Variants in AP4B1 observed in about 807,000 individuals in gnomAD.
The protein encoded by AP4B1 is AP-4 complex subunit beta-1.
AP4B1 carries 49 observed loss-of-function variants against 76.5 expected under a neutral mutation model. The observed-to-expected ratio is 0.64, with a 90% CI of 0.51 to 0.81. AP4B1 has a LOEUF of 0.81. AP4B1 is among the 40% of genes least tolerant of loss of function. AP4B1 has a pLI of 0.00. For synonymous variants in AP4B1, 330 were observed against 333.3 expected, an observed-to-expected ratio of 0.99 and a Z score of 0.11; for missense variants, 911 against 904.9, an observed-to-expected ratio of 1.01 and a Z score of -0.09.
upstream of AP4B1, chr1:113,904,810 T>C (rs1381012932): frequency 3.7e-6 from 4 of 1,091,748 alleles, no homozygotes; most frequent in African/African-American, 4.6e-5. Context: ...AAAGGAAATA[T>C]GAGTCAGTGA....
At chr1:113,900,958 T>C in intron 4 of AP4B1, 1 of 399,984 alleles carries the variant, frequency 2.5e-6, no homozygotes, top group Non-Finnish European at 4.7e-6. Flanking sequence ...AAATACAAAA[T>C]TAGCCGGGCA....
intron 2 of AP4B1, chr1:113,902,212 TG>T: frequency 2.5e-6 from 1 of 404,924 alleles, no homozygotes; most frequent in Non-Finnish European, 4.7e-6. Flanking sequence ...TTTAATTTTT[TG>T]TAGATATAGG....
At position 113,896,437 on chromosome 1, in the gene AP4B1, C is replaced by T. The variant is rs1345004647; in HGVS notation, c.1331G>A (p.Gly444Asp). 1 of 1,614,158 alleles carries T rather than the reference C, an allele frequency of 6.2e-7. No homozygotes were observed. The highest frequency in any genetic ancestry group is 1.7e-5 in the Admixed American group (1 of 60,022). ...ATTAGGAATTCTTTCCCCATGGACA[C>T]CAAGTAGCCAAATAAGTGCTTGCTT... ...EGKQALIWLL[G>D]VHGERIPNAP... The change falls in exon 8 of 10, where the codon GGT (glycine) becomes GAT (aspartate). Residue 444 changes from glycine to aspartate, a missense_variant. Transcript: ENST00000369569.
At chr1:113,896,502 TTGAC>T (rs1222339093) in intron 7 of AP4B1, 37 bp from the exon 8 acceptor site, 1 of 1,602,344 alleles carries the variant, frequency 6.2e-7, no homozygotes, top group Non-Finnish European at 8.6e-7. Context: ...TGCTCAACAC[TTGAC>T]TGTCTAAAAC....
At chr1:113,898,169 T>G in intron 6 of AP4B1, 1 of 353,102 alleles carries the variant, frequency 2.8e-6, no homozygotes, top group Non-Finnish European at 4.0e-6. Flanking sequence ...AACTAATGTA[T>G]GAAAAAGCAC....
chr1:113,899,792 T>C, intron 5 of AP4B1, 112 bp downstream of exon 5: 2 of 1,551,204 alleles, frequency 1.3e-6, no homozygotes, highest in Non-Finnish European at 1.8e-6. Context: ...TAGTGCATAG[T>C]ACTTTGCTTC....
intron 5 of AP4B1, chr1:113,899,685 T>A: frequency 1.5e-6 from 1 of 680,336 alleles, no homozygotes; most frequent in Admixed American, 2.9e-5. Context: ...GTATTCTCCA[T>A]CCTGGAAGAT....
chr1:113,895,467 C>A lies in AP4B1; in HGVS notation c.1818G>T (p.Lys606Asn). 6.2e-7 allele frequency: 1 copy of A among 1,614,198 alleles called. No homozygotes were observed. Among genetic ancestry groups the A allele is most frequent in the Non-Finnish European group, 8.5e-7 (1 of 1,180,040 alleles). The change falls in exon 10 of 10, where the codon AAG (lysine) becomes AAT (asparagine). Residue 606 changes from lysine to asparagine, a missense_variant. Physicochemically the swap from Lys to Asn is moderately conservative, Grantham distance 94 (BLOSUM62 0). Coordinates refer to ENST00000369569, the MANE Select transcript of AP4B1 (RefSeq NM_001253852.3). ...ASGPLIPEEN[K>N]ERVQELPDSG... ...AATCAGGGAGTTCTTGTACCCTCTCCTTGTTCTCTTCAGGAATCAAGGGTC... is the reference window on the plus strand; with the variant it reads ...AATCAGGGAGTTCTTGTACCCTCTCATTGTTCTCTTCAGGAATCAAGGGTC...
chr1:113,900,189 C>G lies in AP4B1; in HGVS notation c.829G>C (p.Val277Leu). 3 of 1,614,176 alleles carry G rather than the reference C, an allele frequency of 1.9e-6. No individual in the cohort carries two copies. The highest frequency in any genetic ancestry group is 2.5e-6 in the Non-Finnish European group (3 of 1,180,014). ...PHVQTDVLVR[V>L]KGPLLAACSS... is the part of the protein sequence containing the mutation. ...CAGGCAGCTAGCAAAGGTCCCTTGA[C>G]CCGCACAAGGACATCAGTTTGTACG... The change falls in exon 5 of 10, where the codon GTC (valine) becomes CTC (leucine). Residue 277 changes from valine (V) to leucine (L), a missense_variant. Val to Leu is a conservative substitution (Grantham distance 32). Transcript: ENST00000369569.
intron 4 of AP4B1, 135 bp downstream of exon 4, chr1:113,901,101 C>T: frequency 7.8e-7 from 1 of 1,278,348 alleles, no homozygotes; most frequent in East Asian, 2.5e-5. Context: ...GAGCAAAACT[C>T]CGTCTCAAAT....
In AP4B1 at chr1:113,902,618, A is replaced by G. The variant is rs769552728; in HGVS notation, c.338+20T>C. On this transcript the variant is annotated intron_variant, in intron 2 of 9. Coordinates refer to ENST00000369569, the MANE Select transcript of AP4B1 (RefSeq NM_001253852.3). ...GAATTCATCAGCCATTTAGGACCAG[A>G]CAGAGAAGAGGGTACTCACCTGAGG... is the stretch of plus-strand genomic sequence containing the variant. The G allele has an allele frequency of 1.2e-6, 2 of 1,608,346 alleles. No individual in the cohort carries two copies. The highest frequency in any genetic ancestry group is 1.7e-6 in the Non-Finnish European group (2 of 1,177,556).
At chr1:113,904,944 T>C (rs976698692), upstream of AP4B1, 1 of 510,664 alleles carries the variant, frequency 2.0e-6, no homozygotes, top group Non-Finnish European at 3.6e-6. Flanking sequence ...GGCCCTACCG[T>C]CGGCCGGCAG....
At chr1:113,896,780 CTCTAAATTTT>C (rs1384911636) in intron 7 of AP4B1, 4 of 407,486 alleles carry the variant, frequency 9.8e-6, no homozygotes, top group Non-Finnish European at 1.8e-5. Context: ...CAAAGAATTT[CTCTAAATTTT>C]TCACAAAAAT....
In AP4B1 at chr1:113,895,197, TTC is replaced by T; in HGVS notation, c.2086_2087del (p.Glu696ThrfsTer18). 1.2e-6 allele frequency: 2 copies of T among 1,614,214 alleles called. No homozygotes were observed. Among genetic ancestry groups the T allele is most frequent in the Non-Finnish European group, 1.7e-6 (2 of 1,180,036 alleles). On this transcript the variant is annotated frameshift_variant, in exon 10 of 10. Transcript: ENST00000369569. LOFTEE classifies it high-confidence loss of function. ...CTGAGTTTCCAGGCTCCAATAGCAG[TTC>T]TGTTAAGAACAGACAGCCAGTATCA... ...QDDTGCLFLT[E>X]LLLEPGNSEM... is the part of the protein sequence containing the mutation.
Position 113,896,310 on chromosome 1 carries a change from G to A in AP4B1, c.1458C>T (p.Ser486=), listed in dbSNP as rs536544853. 2 of 1,614,156 alleles carry A rather than the reference G, an allele frequency of 1.2e-6. No individual in the cohort carries two copies. Among genetic ancestry groups the A allele is most frequent in the African/African-American group, 2.7e-5 (2 of 75,036 alleles). ...GCATGTCCTGGCACTCAGCAGGTCG[G>A]GAGAGGAAAAGGCGCAGCAAAGCAG... is the stretch of plus-strand genomic sequence containing the variant. ...LLTALLRLFL[S]RPAECQDMLG... Residue 486 remains serine, a synonymous_variant, in exon 8 of 10, where the codon TCC becomes TCT. Coordinates refer to ENST00000369569, the MANE Select transcript of AP4B1 (RefSeq NM_001253852.3).
rs148787137 is a variant in AP4B1 at position 113,902,800 on chromosome 1, G to A, written c.176C>T (p.Thr59Ile). The change falls in exon 2 of 10, where the codon ACT becomes ATT. Residue 59 changes from threonine (T) to isoleucine (I), a missense_variant. Coordinates refer to ENST00000369569, the MANE Select transcript of AP4B1 (RefSeq NM_001253852.3). ...CAACTTCTTCTGGACAATATCTACA[G>A]TGGCACTGGCCTTCACCATTTCCAT... is the stretch of plus-strand genomic sequence containing the variant. ...VFMEMVKASA[T>I]VDIVQKKLVY... 4 of 1,614,244 alleles carry A rather than the reference G, an allele frequency of 2.5e-6. No individual in the cohort carries two copies. Among genetic ancestry groups the A allele is most frequent in the African/African-American group, 1.3e-5 (1 of 75,064 alleles).
At chr1:113,898,918 G>GA (rs1209911853) in intron 5 of AP4B1, 117 bp from the exon 6 acceptor site, 1 of 857,798 alleles carries the variant, frequency 1.2e-6, no homozygotes, top group African/African-American at 1.8e-5. Context: ...AAAAAAAAAA[G>GA]AAAAAAATTC....
In AP4B1 at chr1:113,900,198, G is replaced by T; in HGVS notation, c.820C>A (p.Leu274Ile). The T allele has an allele frequency of 6.2e-7, 1 of 1,613,812 alleles. No individual in the cohort carries two copies. The highest frequency in any genetic ancestry group is 8.5e-7 in the Non-Finnish European group (1 of 1,179,736). ...KMFPHVQTDV[L>I]VRVKGPLLAA... ...AGCAAAGGTCCCTTGACCCGCACAA[G>T]GACATCAGTTTGTACGTGGGGAAAC... Residue 274 changes from leucine (L) to isoleucine (I), a missense_variant, in exon 5 of 10, where the codon CTT (leucine) becomes ATT (isoleucine). Coordinates refer to ENST00000369569, the MANE Select transcript of AP4B1 (RefSeq NM_001253852.3).
In AP4B1 at chr1:113,900,413, C is replaced by CA; in HGVS notation, c.618-14dup. On this transcript the variant is annotated splice_polypyrimidine_tract_variant and intron_variant, in intron 4 of 9. Transcript: ENST00000369569. ...CAGTTTTGACATTCTATCCAAAAAACAAAACAAAAGAGCTATTTTAGCAAC... is the reference window on the plus strand; with the variant it reads ...CAGTTTTGACATTCTATCCAAAAAACAAAAACAAAAGAGCTATTTTAGCAAC... 1 of 1,612,390 alleles carries CA rather than the reference C, an allele frequency of 6.2e-7. No individual in the cohort carries two copies. The highest frequency in any genetic ancestry group is 8.5e-7 in the Non-Finnish European group (1 of 1,179,558).
Sources: gnomAD v4.1 joint callset for allele counts on GRCh38, gnomAD v4.1.1 for gene constraint, MANE v1.5 for transcripts, NCBI Gene and HGNC (gene_info 2026-07-23, HGNC 2026-07-21) for gene names.